FKBP9: variants seen among roughly 807,000 people sequenced by gnomAD.
FKBP9 encodes the protein peptidyl-prolyl cis-trans isomerase FKBP9.
FKBP9 carries 27 observed loss-of-function variants against 55.6 expected under a neutral mutation model. That is an observed-to-expected ratio of 0.49 (90% CI 0.36 to 0.67). The LOEUF (loss-of-function observed/expected upper bound fraction) is 0.67, where lower values mean the gene tolerates loss of function less well. Among genes scored for constraint, FKBP9 ranks in the 30% least tolerant of loss-of-function variants. The pLI is 0.00. For missense variants in FKBP9, 539 were observed against 742.8 expected, an observed-to-expected ratio of 0.73 and a Z score of 3.19; for synonymous variants, 267 against 296.5, an observed-to-expected ratio of 0.90 and a Z score of 1.02.
intron 4 of FKBP9, chr7:32,979,490 G>T: frequency 6.5e-7 from 1 of 1,548,570 alleles, no homozygotes; most frequent in South Asian, 1.2e-5. Context: ...ATGCAGGGTG[G>T]GCTTTGCCAA....
chr7:32,997,448 C>A (rs1422025939), intron 7 of FKBP9, among the ~76,000 whole-genome samples: 1 of 152,018 alleles, frequency 6.6e-6, no homozygotes, highest in African/African-American at 2.4e-5. Context: ...AACTCCTGAC[C>A]TCAAATGATC....
intron 6 of FKBP9, 56 bp downstream of exon 6, chr7:32,988,708 T>C: frequency 1.9e-6 from 3 of 1,557,106 alleles, no homozygotes; most frequent in Non-Finnish European, 2.6e-6. Context: ...CCACATTGCT[T>C]GAAACAGGGC....
rs575917909 is a variant in FKBP9 at position 33,006,091 on chromosome 7, CTTTTTT to C, written c.*756_*761del. The C allele has an allele frequency of 5.9e-4, 79 of 134,844 alleles. No individual in the cohort carries two copies. The highest frequency in any genetic ancestry group is 1.6e-3 in the East Asian group (15 of 9,344). The allele number at this position is 134,844 out of a possible 1,614,324, so 8.4% of individuals were successfully genotyped here. A position where few individuals can be genotyped will look rare whatever the true frequency, so the allele number is the denominator to read the frequency against. On this transcript the variant is annotated 3_prime_UTR_variant, in exon 10 of 10. Transcript: ENST00000242209. ...AGTCATCTGCTTAGCTTTTCCTTTC[CTTTTTT>C]TTTTTTTTTTTTTTTCTGGAGGCAG...
intron 8 of FKBP9, among the ~76,000 whole-genome samples, chr7:33,000,932 C>A (rs916645183): frequency 1.5e-4 from 23 of 152,042 alleles, no homozygotes; most frequent in Non-Finnish European, 3.4e-4. Context: ...AGGCATGCAC[C>A]ACCTCGCCTG....
chr7:32,965,906 T>C (rs1379810987), intron 1 of FKBP9, among the ~76,000 whole-genome samples: 3 of 118,812 alleles, frequency 2.5e-5, no homozygotes, highest in African/African-American at 9.8e-5. Context: ...GAGAGAGCCA[T>C]GGGGGGCTGG....
chr7:32,959,970 G>A (rs1395177795), intron 1 of FKBP9, among the ~76,000 whole-genome samples: 6 of 152,112 alleles, frequency 3.9e-5, no homozygotes, highest in African/African-American at 7.2e-5. Flanking sequence ...GAATTGCTGC[G>A]TCCTATGGCA....
In FKBP9 at chr7:32,974,691, T is replaced by C. The variant is rs774021986; in HGVS notation, c.296T>C (p.Val99Ala). Residue 99 changes from valine to alanine, a missense_variant, in exon 2 of 10, where the codon GTT becomes GCT. Coordinates refer to ENST00000242209, the MANE Select transcript of FKBP9 (RefSeq NM_007270.5). ...QLITGMDQAL[V>A]GMCVNERRFV... is the part of the protein sequence containing the mutation. ...ATCACAGGGATGGACCAGGCTCTTG[T>C]TGGGATGTGCGTAAACGAGAGACGT... is the stretch of plus-strand genomic sequence containing the variant. The C allele has an allele frequency of 2.5e-6, 4 of 1,613,920 alleles. No individual in the cohort carries two copies. Among genetic ancestry groups the C allele is most frequent in the Admixed American group, 1.7e-5 (1 of 60,004 alleles).
At chr7:32,987,828 T>A (rs1325097648) in intron 5 of FKBP9, among the ~76,000 whole-genome samples, 1 of 152,164 alleles carries the variant, frequency 6.6e-6, no homozygotes. Flanking sequence ...TGACAGAGTT[T>A]TGCCATGTTG....
In FKBP9 at chr7:32,988,512, C is replaced by T; in HGVS notation, c.899C>T (p.Ser300Phe). 1.9e-6 allele frequency: 3 copies of T among 1,613,902 alleles called. No homozygotes were observed. Among genetic ancestry groups the T allele is most frequent in the Non-Finnish European group, 2.5e-6 (3 of 1,179,826 alleles). The change falls in exon 6 of 10, where the codon TCT becomes TTT. Residue 300 changes from serine to phenylalanine, a missense_variant. Around this residue, in one of 4 missense-constraint regions of FKBP9, gnomAD observed 172 missense variants for 205.3 expected, o/e 0.84. Transcript: ENST00000242209. The part of the protein sequence containing the change: ...LDGTLFDSSY[S>F]RNRTFDTYIG... ...TTTCCTTTCTTCTTTTCTAGCTACT[C>T]TCGGAACCGCACGTTTGACACGTAC... is the stretch of plus-strand genomic sequence containing the variant.
Position 32,975,299 on chromosome 7 carries a change from C to G in FKBP9, c.485C>G (p.Thr162Ser). ...TTCAAGCCCCCGAGTTGCCCTCGGA[C>G]CATCCAGGTGTCTGATTTTGTGAGG... ...TYFKPPSCPR[T>S]IQVSDFVRYH... The change falls in exon 3 of 10, where the codon ACC becomes AGC. Residue 162 changes from threonine to serine, a missense_variant. Thr to Ser is a moderately conservative substitution (Grantham distance 58, BLOSUM62 1). Transcript: ENST00000242209. 1 of 1,613,932 alleles carries G rather than the reference C, an allele frequency of 6.2e-7. No individual in the cohort carries two copies. Among genetic ancestry groups the G allele is most frequent in the Non-Finnish European group, 8.5e-7 (1 of 1,179,780 alleles).
At chr7:32,988,887 C>T (rs1272118149) in intron 6 of FKBP9, 1 of 392,482 alleles carries the variant, frequency 2.5e-6, no homozygotes, top group Non-Finnish European at 4.6e-6. Flanking sequence ...CACCACCACA[C>T]CCTGCACAGA....
At chr7:32,998,953 C>T (rs1235091097) in intron 7 of FKBP9, among the ~76,000 whole-genome samples, 2 of 152,168 alleles carry the variant, frequency 1.3e-5, no homozygotes, top group Admixed American at 6.5e-5. Flanking sequence ...CTTACGCTTG[C>T]GTGTTTAAAC....
At chr7:32,972,728 C>T (rs1021035430) in intron 1 of FKBP9, among the ~76,000 whole-genome samples, 1 of 152,006 alleles carries the variant, frequency 6.6e-6, no homozygotes, top group Non-Finnish European at 1.5e-5. Context: ...TCCCCCCCCA[C>T]CCTTTTTGAG....
At chr7:32,991,162 A>G (rs1784673656) in intron 6 of FKBP9, among the ~76,000 whole-genome samples, 2 of 152,222 alleles carry the variant, frequency 1.3e-5, no homozygotes, top group South Asian at 4.1e-4. Flanking sequence ...CTTTGAAAAG[A>G]ATGCATTGAT....
chr7:32,992,779 G>T (rs1784710290), intron 6 of FKBP9: 1 of 224,862 alleles, frequency 4.4e-6, no homozygotes, highest in South Asian at 1.8e-4. Context: ...TCATGACCAG[G>T]CCCTGCTCAC....
intron 1 of FKBP9, among the ~76,000 whole-genome samples, chr7:32,967,571 T>C (rs1784168699): frequency 6.6e-6 from 1 of 152,242 alleles, no homozygotes; most frequent in African/African-American, 2.4e-5. Flanking sequence ...TCCTTCCTTT[T>C]TAAGGCGGAA....
At chr7:32,965,812 AATATATATAT>A (rs57598279) in intron 1 of FKBP9, among the ~76,000 whole-genome samples, 5 of 34,940 alleles carry the variant, frequency 1.4e-4, no homozygotes, top group African/African-American at 6.1e-4. Context: ...AAAAAAAAAA[AATATATATAT>A]ATATATATAT....
intron 1 of FKBP9, among the ~76,000 whole-genome samples, chr7:32,962,857 T>C (rs1784051685): frequency 1.6e-5 from 2 of 123,654 alleles, no homozygotes; most frequent in South Asian, 5.4e-4. Flanking sequence ...GTGAGGACTA[T>C]GGAGAAAAAG....
intron 1 of FKBP9, 55 bp downstream of exon 1, chr7:32,957,849 G>C: frequency 1.5e-6 from 2 of 1,309,626 alleles, no homozygotes; most frequent in Non-Finnish European, 9.9e-7. Context: ...CCCTCTCTCC[G>C]GACAGGCCTT....
Sources: gnomAD v4.1 joint callset for allele counts (sites outside exome capture counted in the v4.1 genomes callset) on GRCh38, gnomAD v4.1.1 for gene constraint, gnomAD v4.1.1 regional missense constraint, MANE v1.5 for transcripts, NCBI Gene and HGNC (gene_info 2026-07-23, HGNC 2026-07-21) for gene names.